SNX29: variants seen among roughly 807,000 people sequenced by gnomAD.
SNX29 encodes sorting nexin-29.
In SNX29, 78 loss-of-function variants were observed where a neutral mutation model predicts 102.1. The observed-to-expected ratio is 0.76, with a 90% CI of 0.64 to 0.92. SNX29 has a LOEUF of 0.92. Among genes scored for constraint, SNX29 ranks in the 40% least tolerant of loss-of-function variants. The pLI is 0.00. For missense variants in SNX29, 1,280 were observed against 1,061.7 expected (o/e 1.21, Z -2.86); for synonymous variants, 580 against 414.5 (o/e 1.40, Z -4.85).
chr16:12,573,678 G>A lies in SNX29; in HGVS notation c.*5049G>A, dbSNP rs1410218857. 1 of 223,060 alleles carries A rather than the reference G, an allele frequency of 4.5e-6. No individual in the cohort carries two copies. The highest frequency in any genetic ancestry group is 9.0e-6 in the Non-Finnish European group (1 of 111,566). The allele number at this position is 223,060 out of a possible 1,614,324, so 13.8% of individuals were successfully genotyped here. The stretch of plus-strand genomic sequence containing the variant: ...TCACTGTCAGTGTAGGTAAGACAGA[G>A]GATGCCCTTGCAAAAATTGGGACTG... On this transcript the variant is annotated 3_prime_UTR_variant, in exon 21 of 21. Coordinates refer to ENST00000566228, the MANE Select transcript of SNX29 (RefSeq NM_032167.5).
chr16:12,068,070 G>C (rs901686525), intron 9 of SNX29, among the ~76,000 whole-genome samples: 2 of 152,134 alleles, frequency 1.3e-5, no homozygotes, highest in Non-Finnish European at 2.9e-5. Flanking sequence ...TCTGATTCAA[G>C]GCACTACAAG....
At chr16:12,282,484 T>C (rs965306951) in intron 15 of SNX29, among the ~76,000 whole-genome samples, 3 of 152,106 alleles carry the variant, frequency 2.0e-5, no homozygotes, top group Non-Finnish European at 4.4e-5. Context: ...TTAAATTGTA[T>C]CTTCATTGCC....
chr16:12,133,990 C>T lies in SNX29; in HGVS notation c.1595+4232C>T, dbSNP rs980419926. The stretch of plus-strand genomic sequence containing the variant: ...GCTTTCCTAGAACAAGGTCATGTAA[C>T]TAGCCTGGTGCTTTTTGGCCCTGGG... On this transcript the variant is annotated intron_variant, in intron 13 of 20. Coordinates refer to ENST00000566228, the MANE Select transcript of SNX29 (RefSeq NM_032167.5). 2.0e-5 allele frequency among the ~76,000 whole-genome samples: 3 copies of T among 152,314 alleles called. No homozygotes were observed. The South Asian group carries it at 6.2e-4, about 32-fold the overall frequency.
At chr16:12,207,383 T>C (rs1567312135) in intron 14 of SNX29, among the ~76,000 whole-genome samples, 1 of 151,920 alleles carries the variant, frequency 6.6e-6, no homozygotes, top group Non-Finnish European at 1.5e-5. Flanking sequence ...TAAAATAAAA[T>C]AAAAAACAAA....
chr16:12,417,993 G>A (rs1380712869), intron 18 of SNX29, among the ~76,000 whole-genome samples: 2 of 152,094 alleles, frequency 1.3e-5, no homozygotes, highest in African/African-American at 4.8e-5. Context: ...GAAGGGGAAG[G>A]GAATAGATAA....
At chr16:12,425,985 A>G (rs1366557652) in intron 18 of SNX29, among the ~76,000 whole-genome samples, 1 of 152,170 alleles carries the variant, frequency 6.6e-6, no homozygotes, top group East Asian at 1.9e-4. Flanking sequence ...ACCTTCAGGG[A>G]TAGGCCTTGG....
At chr16:12,452,756 C>T (rs535210671) in intron 18 of SNX29, among the ~76,000 whole-genome samples, 1 of 152,050 alleles carries the variant, frequency 6.6e-6, no homozygotes, top group African/African-American at 2.4e-5. Flanking sequence ...GGAGAGGAGC[C>T]GGGTGGTGAA....
At chr16:12,285,503 G>C (rs1165225736) in intron 15 of SNX29, among the ~76,000 whole-genome samples, 1 of 152,208 alleles carries the variant, frequency 6.6e-6, no homozygotes, top group Non-Finnish European at 1.5e-5. Context: ...TATAATGGCA[G>C]AGTCGCTATT....
chr16:12,018,112 T>TTA, intron 3 of SNX29, among the ~76,000 whole-genome samples: 1 of 152,266 alleles, frequency 6.6e-6, no homozygotes, highest in East Asian at 1.9e-4. Flanking sequence ...CCTGCATTTG[T>TTA]TATTGGAATT....
Position 12,075,180 on chromosome 16 carries a change from C to T in SNX29, c.1320-3653C>T, listed in dbSNP as rs891430484. On this transcript the variant is annotated intron_variant, in intron 10 of 20. Coordinates refer to ENST00000566228, the MANE Select transcript of SNX29 (RefSeq NM_032167.5). The stretch of plus-strand genomic sequence containing the variant: ...CTCTCAACTCGTCAAAGTCATTCTC[C>T]GTCCAGCTTTGTTCCGTTGCTGGTG... Among the ~76,000 whole-genome samples, 10 of 152,332 alleles carry T rather than the reference C, an allele frequency of 6.6e-5. 1 individual carries two copies. In the East Asian group the frequency reaches 1.4e-3, roughly 21 times the overall value.
chr16:12,239,064 A>G (rs1054992818), intron 14 of SNX29, among the ~76,000 whole-genome samples: 1 of 152,232 alleles, frequency 6.6e-6, no homozygotes, highest in Non-Finnish European at 1.5e-5. Flanking sequence ...CTCACTGGCC[A>G]GAACTTAGTC....
At chr16:12,253,618 C>G (rs547025404) in intron 14 of SNX29, among the ~76,000 whole-genome samples, 5 of 152,212 alleles carry the variant, frequency 3.3e-5, no homozygotes, top group South Asian at 2.1e-4. Flanking sequence ...GTGCCTGTTG[C>G]GTCCAAGGAA....
intron 13 of SNX29, among the ~76,000 whole-genome samples, chr16:12,188,250 C>T (rs1415387294): frequency 6.6e-6 from 1 of 152,130 alleles, no homozygotes; most frequent in Non-Finnish European, 1.5e-5. Flanking sequence ...TTAATTCTGT[C>T]TGTAGTTTCT....
intron 13 of SNX29, among the ~76,000 whole-genome samples, chr16:12,178,263 A>G (rs1251800115): frequency 6.6e-6 from 1 of 151,892 alleles, no homozygotes; most frequent in East Asian, 1.9e-4. Context: ...TCCCTTGCTT[A>G]TGTTCCTTCC....
At chr16:12,426,081 C>G (rs1238687515) in intron 18 of SNX29, among the ~76,000 whole-genome samples, 2 of 151,192 alleles carry the variant, frequency 1.3e-5, no homozygotes, top group Non-Finnish European at 2.9e-5. Flanking sequence ...TTTTAGTTAT[C>G]TTATTTTTTT....
At chr16:12,077,062 C>T (rs2051609878) in intron 10 of SNX29, among the ~76,000 whole-genome samples, 1 of 152,098 alleles carries the variant, frequency 6.6e-6, no homozygotes, top group South Asian at 2.1e-4. Context: ...TTACTTGAGG[C>T]CGGGAGTTCA....
intron 11 of SNX29, chr16:12,095,167 C>G (rs1416202787): frequency 6.6e-6 from 1 of 152,182 alleles, no homozygotes; most frequent in African/African-American, 2.4e-5. Context: ...TTTACTAGAT[C>G]TTAATCAAAA....
At chr16:12,437,871 G>A (rs1035088681) in intron 18 of SNX29, among the ~76,000 whole-genome samples, 2 of 152,098 alleles carry the variant, frequency 1.3e-5, no homozygotes, top group Non-Finnish European at 2.9e-5. Flanking sequence ...CCAGCCCAGG[G>A]CCACTGCCTG....
intron 13 of SNX29, among the ~76,000 whole-genome samples, chr16:12,194,891 T>G (rs2076734251): frequency 6.6e-6 from 1 of 152,176 alleles, no homozygotes; most frequent in African/African-American, 2.4e-5. Context: ...TCTCCCAAAG[T>G]GCTGGGATTA....
Sources: gnomAD v4.1 joint callset for allele counts (sites outside exome capture counted in the v4.1 genomes callset) on GRCh38, gnomAD v4.1.1 for gene constraint, MANE v1.5 for transcripts, NCBI Gene and HGNC (gene_info 2026-07-23, HGNC 2026-07-21) for gene names.